The following CNTNAP2 variants were observed in gnomAD, a reference collection of about 807,000 sequenced individuals.
CNTNAP2 encodes contactin-associated protein-like 2.
CNTNAP2 carries 98 observed loss-of-function variants against 155.2 expected under a neutral mutation model. The observed-to-expected ratio is 0.63, with a 90% confidence interval of 0.54 to 0.75. CNTNAP2 has a LOEUF of 0.75. CNTNAP2 is among the 30% of genes least tolerant of loss of function. The pLI, the probability that CNTNAP2 is intolerant of heterozygous loss-of-function variation, is 0.00. For synonymous variants in CNTNAP2, 651 were observed against 631.2 expected, an observed-to-expected ratio of 1.03 and a Z score of -0.47; for missense variants, 1,727 against 1,688.1, an observed-to-expected ratio of 1.02 and a Z score of -0.40.
At chr7:146,678,980 GTCTT>G (rs1054122263) in intron 1 of CNTNAP2, among the ~76,000 whole-genome samples, 1 of 152,084 alleles carries the variant, frequency 6.6e-6, no homozygotes, top group African/African-American at 2.4e-5. Context: ...TTTCAGGATT[GTCTT>G]TCTTTTTCAG....
chr7:146,507,963 G>A (rs1318550340), intron 1 of CNTNAP2, among the ~76,000 whole-genome samples: 1 of 152,188 alleles, frequency 6.6e-6, no homozygotes, highest in East Asian at 1.9e-4. Flanking sequence ...CCATCACACA[G>A]TGGTACTGTC....
chr7:146,328,753 G>A (rs1801135819), intron 1 of CNTNAP2, among the ~76,000 whole-genome samples: 2 of 152,022 alleles, frequency 1.3e-5, no homozygotes, highest in Non-Finnish European at 2.9e-5. Flanking sequence ...TTTAACTTTT[G>A]CTTTAGACTC....
chr7:147,202,513 A>G (rs1408147982), intron 8 of CNTNAP2, among the ~76,000 whole-genome samples: 3 of 152,168 alleles, frequency 2.0e-5, no homozygotes, highest in African/African-American at 7.2e-5. Context: ...TCCATTAACC[A>G]TTGATCAAAA....
chr7:146,584,127 T>C (rs375483750), intron 1 of CNTNAP2, among the ~76,000 whole-genome samples: 2 of 152,192 alleles, frequency 1.3e-5, no homozygotes. Flanking sequence ...ATAAGGAGAC[T>C]GAAATAATTT....
Position 146,592,326 on chromosome 7 carries a change from A to C in CNTNAP2, c.98-181945A>C, listed in dbSNP as rs533481235. The stretch of plus-strand genomic sequence containing the variant: ...AATGCAAAGAAGATCTGGACAAGGC[A>C]GTGGTGGAAGTGTCCCCTTTAGATA... On this transcript the variant is annotated intron_variant, in intron 1 of 23. Transcript: ENST00000361727. Among the ~76,000 whole-genome samples, 306 of 152,350 alleles carry C rather than the reference A, an allele frequency of 2.0e-3. 4 individuals are homozygous for C. The highest frequency in any genetic ancestry group is 7.0e-3 in the African/African-American group (292 of 41,594).
intron 4 of CNTNAP2, among the ~76,000 whole-genome samples, chr7:147,058,939 G>A (rs1310130394): frequency 3.3e-5 from 5 of 152,128 alleles, no homozygotes; most frequent in Admixed American, 2.6e-4. Flanking sequence ...GGAAGTAAAC[G>A]ATGCAGGCCT....
chr7:147,580,770 C>T (rs971085726), intron 12 of CNTNAP2, among the ~76,000 whole-genome samples: 1 of 152,052 alleles, frequency 6.6e-6, no homozygotes, highest in African/African-American at 2.4e-5. Context: ...CATGTGCCAC[C>T]GTGCCCAGCT....
intron 20 of CNTNAP2, among the ~76,000 whole-genome samples, chr7:148,245,865 T>C (rs546379977): frequency 6.6e-6 from 1 of 152,268 alleles, no homozygotes; most frequent in South Asian, 2.1e-4. Flanking sequence ...GTCCATCATC[T>C]CCCTTCACTT....
intron 9 of CNTNAP2, among the ~76,000 whole-genome samples, chr7:147,301,590 C>CTGTGTGTG: frequency 9.0e-6 from 1 of 111,586 alleles, no homozygotes; most frequent in East Asian, 3.2e-4. Context: ...CTCTCTCTCT[C>CTGTGTGTG]TCTGTGTGTG....
At chr7:147,823,180 A>G (rs530567127) in intron 13 of CNTNAP2, among the ~76,000 whole-genome samples, 1 of 152,214 alleles carries the variant, frequency 6.6e-6, no homozygotes, top group South Asian at 2.1e-4. Flanking sequence ...ATTCATGTGC[A>G]TTCCCCCAGT....
intron 1 of CNTNAP2, among the ~76,000 whole-genome samples, chr7:146,640,245 C>A (rs1799682102): frequency 6.6e-6 from 1 of 152,074 alleles, no homozygotes; most frequent in African/African-American, 2.4e-5. Flanking sequence ...CTGGAGTTTA[C>A]AAAGGAATTA....
intron 1 of CNTNAP2, among the ~76,000 whole-genome samples, chr7:146,553,557 A>G (rs903378483): frequency 1.3e-5 from 2 of 152,258 alleles, no homozygotes; most frequent in African/African-American, 2.4e-5. Flanking sequence ...CTTTTTATCT[A>G]TTTTTAGATA....
At chr7:146,629,881 TA>T (rs972133065) in intron 1 of CNTNAP2, among the ~76,000 whole-genome samples, 1 of 152,120 alleles carries the variant, frequency 6.6e-6, no homozygotes, top group Admixed American at 6.6e-5. Context: ...TAGGGAGAAA[TA>T]AATATTGTAT....
intron 19 of CNTNAP2, among the ~76,000 whole-genome samples, chr7:148,226,010 GAA>G (rs1795841643): frequency 6.6e-6 from 1 of 152,178 alleles, no homozygotes. Flanking sequence ...GACAGTTTGT[GAA>G]AGAGTCTCCT....
chr7:147,913,477 C>T (rs905891448), intron 14 of CNTNAP2, among the ~76,000 whole-genome samples: 2 of 152,160 alleles, frequency 1.3e-5, no homozygotes, highest in South Asian at 4.2e-4. Flanking sequence ...GACAAACAAA[C>T]ACAAATGGTT....
At chr7:147,182,738 A>T (rs1386409677) in intron 8 of CNTNAP2, among the ~76,000 whole-genome samples, 2 of 151,846 alleles carry the variant, frequency 1.3e-5, no homozygotes, top group African/African-American at 4.8e-5. Flanking sequence ...TTTTTTTATT[A>T]TTTCTCTGCT....
chr7:148,209,298 C>CT (rs11371612), intron 18 of CNTNAP2, among the ~76,000 whole-genome samples: 15,225 of 130,290 alleles, frequency 0.12, 913 homozygotes, highest in South Asian at 0.19. Context: ...TCTTTTCTTC[C>CT]TTTTTTTTTT....
intron 1 of CNTNAP2, among the ~76,000 whole-genome samples, chr7:146,138,000 G>A (rs1797821948): frequency 6.6e-6 from 1 of 151,618 alleles, no homozygotes; most frequent in Admixed American, 6.6e-5. Context: ...TTCAAATTAG[G>A]TTTAAATATT....
intron 10 of CNTNAP2, among the ~76,000 whole-genome samples, chr7:147,444,992 G>C (rs900225332): frequency 6.6e-6 from 1 of 152,058 alleles, no homozygotes; most frequent in African/African-American, 2.4e-5. Context: ...GAGTGAAGGG[G>C]GATGTGCTAC....
Sources: allele counts gnomAD v4.1 joint callset (sites outside exome capture counted in the v4.1 genomes callset), GRCh38; gene constraint gnomAD v4.1.1; transcripts MANE v1.5; gene names NCBI Gene and HGNC (gene_info 2026-07-23, HGNC 2026-07-21).